PRKACB: variants seen among roughly 807,000 people sequenced by gnomAD.
PRKACB encodes cAMP-dependent protein kinase catalytic subunit beta.
PRKACB carries 16 observed loss-of-function variants against 51.4 expected under a neutral mutation model. The observed-to-expected ratio is 0.31, with a 90% confidence interval of 0.21 to 0.47. PRKACB has a LOEUF of 0.47. Ranked by LOEUF, PRKACB falls within the 20% of genes least tolerant of loss-of-function variation. The pLI is 1.00. For missense variants in PRKACB, 309 were observed against 464.5 expected (o/e 0.67, Z 3.08); for synonymous variants, 147 against 154.4 (o/e 0.95, Z 0.35).
At chr1:84,100,785 C>T (rs1029873612) in intron 1 of PRKACB, among the ~76,000 whole-genome samples, 1 of 152,118 alleles carries the variant, frequency 6.6e-6, no homozygotes, top group Non-Finnish European at 1.5e-5. Flanking sequence ...TATAACAACT[C>T]ATTTAATCTT....
At chr1:84,111,409 T>G (rs1173360856) in intron 1 of PRKACB, among the ~76,000 whole-genome samples, 1 of 152,114 alleles carries the variant, frequency 6.6e-6, no homozygotes, top group Non-Finnish European at 1.5e-5. Flanking sequence ...AATATGGGGT[T>G]AGTTCAATGC....
intron 1 of PRKACB, among the ~76,000 whole-genome samples, chr1:84,135,207 C>T (rs1652677432): frequency 6.6e-6 from 1 of 152,088 alleles, no homozygotes; most frequent in Non-Finnish European, 1.5e-5. Flanking sequence ...ACGTATTTGG[C>T]AGTCAATTCT....
At position 84,214,054 on chromosome 1, in the gene PRKACB, A is replaced by G. The variant is rs531304964; in HGVS notation, c.907-99A>G. ...GTCATCGCTCCATATTTTTGTTTATATAATGGCTTGTTGCCTTGAAAAAAA... is the reference window on the plus strand; with the variant it reads ...GTCATCGCTCCATATTTTTGTTTATGTAATGGCTTGTTGCCTTGAAAAAAA... On this transcript the variant is annotated intron_variant, in intron 8 of 9. Coordinates refer to ENST00000370685, the MANE Select transcript of PRKACB (RefSeq NM_182948.4). 185 of 1,264,366 alleles carry G rather than the reference A, an allele frequency of 1.5e-4. 2 individuals carry two copies. The South Asian group carries it at 3.0e-3, about 20-fold the overall frequency. The allele number at this position is 1,264,366 out of a possible 1,614,324, so 78.3% of individuals were successfully genotyped here. A position where few individuals can be genotyped will look rare whatever the true frequency, so the allele number is the denominator to read the frequency against.
intron 1 of PRKACB, among the ~76,000 whole-genome samples, chr1:84,121,598 A>T (rs993465771): frequency 6.6e-6 from 1 of 152,148 alleles, no homozygotes; most frequent in African/African-American, 2.4e-5. Flanking sequence ...GTTGGAGAGA[A>T]AAGAGACAGC....
At chr1:84,117,990 G>A (rs1293501233) in intron 1 of PRKACB, among the ~76,000 whole-genome samples, 2 of 152,128 alleles carry the variant, frequency 1.3e-5, no homozygotes, top group Non-Finnish European at 2.9e-5. Context: ...TCATGCTTAG[G>A]TGGAGTGAGT....
At chr1:84,097,741 C>T (rs899316382) in intron 1 of PRKACB, among the ~76,000 whole-genome samples, 20 of 151,914 alleles carry the variant, frequency 1.3e-4, no homozygotes, top group Non-Finnish European at 2.4e-4. Flanking sequence ...GGAGCACTGA[C>T]GTCCAATAGC....
At chr1:84,200,209 T>C (rs138318373) in intron 7 of PRKACB, among the ~76,000 whole-genome samples, 3,134 of 152,250 alleles carry the variant, frequency 0.021, 54 homozygotes, top group Non-Finnish European at 0.03. Context: ...ATTGTGGTTT[T>C]GACTTGCTTG....
chr1:84,197,069 T>C (rs1325060404), intron 6 of PRKACB, among the ~76,000 whole-genome samples: 3 of 152,194 alleles, frequency 2.0e-5, no homozygotes, highest in Non-Finnish European at 4.4e-5. Context: ...GATAAACCTA[T>C]GAAGTGGAAA....
intron 1 of PRKACB, among the ~76,000 whole-genome samples, chr1:84,120,576 CTA>C (rs1173619193): frequency 6.6e-6 from 1 of 151,948 alleles, no homozygotes; most frequent in Non-Finnish European, 1.5e-5. Context: ...AAGAGTCAGA[CTA>C]TGAATATGAA....
intron 5 of PRKACB, among the ~76,000 whole-genome samples, chr1:84,190,634 C>G (rs1212129390): frequency 6.6e-6 from 1 of 151,906 alleles, no homozygotes; most frequent in Non-Finnish European, 1.5e-5. Flanking sequence ...AGCTTCATGA[C>G]CTTAAGAAAT....
rs1291568884 is a variant in PRKACB at position 84,182,229 on chromosome 1, GA to G, written c.286del (p.Thr96ProfsTer13). 2.5e-6 allele frequency: 4 copies of G among 1,587,962 alleles called. No homozygotes were observed. Among genetic ancestry groups the G allele is most frequent in the South Asian group, 1.2e-5 (1 of 86,456 alleles). On this transcript the variant is annotated frameshift_variant, in exon 3 of 10. Coordinates refer to ENST00000370685, the MANE Select transcript of PRKACB (RefSeq NM_182948.4). LOFTEE classifies it high-confidence loss of function. The part of the protein sequence containing the change: ...NNAGLEDFER[K>X]KTLGTGSFGR... ...ATGCCGGACTTGAAGATTTTGAAAG[GA>G]AAAAAACCCTTGGAACAGGTTCATT...
chr1:84,147,267 T>G (rs1228170276), intron 1 of PRKACB, among the ~76,000 whole-genome samples: 1 of 152,036 alleles, frequency 6.6e-6, no homozygotes, highest in African/African-American at 2.4e-5. Flanking sequence ...GTTTTGATTA[T>G]GGATGTCCTC....
chr1:84,078,135 T>A, upstream of PRKACB: 1 of 551,960 alleles, frequency 1.8e-6, no homozygotes, highest in East Asian at 3.4e-5. Context: ...CTGCTGCCGG[T>A]GCTAAGGAGT....
chr1:84,156,332 A>G (rs1328704474), intron 1 of PRKACB, among the ~76,000 whole-genome samples: 1 of 152,034 alleles, frequency 6.6e-6, no homozygotes, highest in African/African-American at 2.4e-5. Context: ...CCACTGCTAC[A>G]TTGTTTCGTG....
intron 5 of PRKACB, among the ~76,000 whole-genome samples, chr1:84,188,110 A>G (rs1572217497): frequency 6.6e-6 from 1 of 152,252 alleles, no homozygotes; most frequent in East Asian, 1.9e-4. Context: ...AAATGCTTTT[A>G]TCTTTTTTTA....
chr1:84,238,268 C>T lies in PRKACB; in HGVS notation c.*2963C>T, dbSNP rs1246700216. The T allele has an allele frequency of 6.6e-6, 1 of 152,508 alleles. No homozygotes were observed. Among genetic ancestry groups the T allele is most frequent in the African/African-American group, 2.4e-5 (1 of 41,426 alleles). The allele number at this position is 152,508 out of a possible 1,614,324, so 9.4% of individuals were successfully genotyped here. A position where few individuals can be genotyped will look rare whatever the true frequency, so the allele number is the denominator to read the frequency against. On this transcript the variant is annotated 3_prime_UTR_variant, in exon 10 of 10. Coordinates refer to ENST00000370685, the MANE Select transcript of PRKACB (RefSeq NM_182948.4). ...AGCCTGAAAAAAAAAATCTTTCCCACTGTTTTTTCTGCTTGTTGTAAGAAT... is the reference window on the plus strand; with the variant it reads ...AGCCTGAAAAAAAAAATCTTTCCCATTGTTTTTTCTGCTTGTTGTAAGAAT...
intron 3 of PRKACB, 68 bp downstream of exon 3, chr1:84,182,396 A>C: frequency 8.1e-7 from 1 of 1,239,134 alleles, no homozygotes. Context: ...TATTAAACAG[A>C]TTCAGTATAA....
Position 84,212,521 on chromosome 1 carries a change from T to C in PRKACB, c.907-1632T>C, listed in dbSNP as rs116267340. ...AATATAAATTAAGGAGTCTATATAT[T>C]TGAAGACAGTGTAATAAAGAGCAAA... is the stretch of plus-strand genomic sequence containing the variant. On this transcript the variant is annotated intron_variant, in intron 8 of 9. Coordinates refer to ENST00000370685, the MANE Select transcript of PRKACB (RefSeq NM_182948.4). Among the ~76,000 whole-genome samples, 497 of 150,142 alleles carry C rather than the reference T, an allele frequency of 3.3e-3. 1 individual carries two copies. The highest frequency in any genetic ancestry group is 0.012 in the African/African-American group (468 of 39,558).
At chr1:84,231,953 C>T (rs1675755743) in intron 9 of PRKACB, among the ~76,000 whole-genome samples, 1 of 149,110 alleles carries the variant, frequency 6.7e-6, no homozygotes, top group Non-Finnish European at 1.5e-5. Flanking sequence ...TATTTCTTGC[C>T]TTCTGCTAGC....
Sources: gnomAD v4.1 joint callset for allele counts (sites outside exome capture counted in the v4.1 genomes callset) on GRCh38, gnomAD v4.1.1 for gene constraint, MANE v1.5 for transcripts, NCBI Gene and HGNC (gene_info 2026-07-23, HGNC 2026-07-21) for gene names.